The following TFB1M variants were observed in gnomAD, a reference collection of about 807,000 sequenced individuals.
TFB1M encodes dimethyladenosine transferase 1, mitochondrial.
Under a neutral mutation model 31.1 loss-of-function variants are expected in TFB1M, and 27 were observed. That is an observed-to-expected ratio of 0.87 (90% CI 0.64 to 1.20). The LOEUF is 1.20. Ranked by LOEUF, TFB1M falls within the 50% of genes most tolerant of loss-of-function variation. The probability of loss-of-function intolerance (pLI) is 0.00; values close to 1 mark genes in which losing one functional copy is unlikely to be tolerated. For missense variants in TFB1M, 394 were observed against 418.7 expected (o/e 0.94, Z 0.51); for synonymous variants, 166 against 151.8 (o/e 1.09, Z -0.69).
At chr6:155,248,801 A>G in the TFB1M span, among the ~76,000 whole-genome samples, 2 of 152,232 alleles carry the variant, frequency 1.3e-5, 1 homozygote, top group Admixed American at 1.3e-4. Context: ...TGGGTTGGAG[A>G]TAGTGATTTG....
the TFB1M span, among the ~76,000 whole-genome samples, chr6:155,248,650 A>G: frequency 6.6e-6 from 1 of 152,310 alleles, no homozygotes; most frequent in African/African-American, 2.4e-5. Context: ...CAAACTCCCA[A>G]TGATGGGTTA....
the TFB1M span, among the ~76,000 whole-genome samples, chr6:155,233,874 G>C: frequency 1.1e-4 from 17 of 151,988 alleles, no homozygotes; most frequent in East Asian, 3.3e-3. Flanking sequence ...GAGGTGGGAG[G>C]GTTGCTTAAT....
Position 155,257,155 on chromosome 6 carries a change from A to G in TFB1M, c.*681T>C, listed in dbSNP as rs111906678. Reference sequence around the variant, plus strand: ...AATCCAGATATGGGTTAAATTCCTCATTTTACTTTTAAACTGGTGGTAAAG... The same window carrying G: ...AATCCAGATATGGGTTAAATTCCTCGTTTTACTTTTAAACTGGTGGTAAAG... On this transcript the variant is annotated 3_prime_UTR_variant, in exon 7 of 7. Coordinates refer to ENST00000367166, the MANE Select transcript of TFB1M (RefSeq NM_016020.4). 6.8e-7 allele frequency: 1 copy of G among 1,479,580 alleles called. No homozygotes were observed. Among genetic ancestry groups the G allele is most frequent in the African/African-American group, 1.5e-5 (1 of 67,818 alleles). 91.7% of individuals were successfully genotyped at this position (1,479,580 alleles called of 1,614,324 possible).
At chr6:155,270,746 G>A (rs182469820) in intron 5 of TFB1M, among the ~76,000 whole-genome samples, 1 of 152,284 alleles carries the variant, frequency 6.6e-6, no homozygotes, top group Admixed American at 6.5e-5. Flanking sequence ...GCTTATGTCT[G>A]CACTAACAAC....
intron 4 of TFB1M, among the ~76,000 whole-genome samples, chr6:155,296,426 ATTTTTTTTTT>A (rs71023639): frequency 5.8e-5 from 6 of 103,456 alleles, no homozygotes; most frequent in East Asian, 3.1e-4. Context: ...CACCCAGCTA[ATTTTTTTTTT>A]TTTTTTTTTT....
chr6:155,236,054 A>G, the TFB1M span, among the ~76,000 whole-genome samples: 7 of 152,100 alleles, frequency 4.6e-5, no homozygotes, highest in Non-Finnish European at 7.4e-5. Flanking sequence ...ATATTGTCTG[A>G]GCTTGTGGTG....
the TFB1M span, chr6:155,247,979 C>A: frequency 6.2e-7 from 1 of 1,611,222 alleles, no homozygotes; most frequent in Non-Finnish European, 8.5e-7. Context: ...CTTCTGAGGT[C>A]TTTTATCCAT....
intron 4 of TFB1M, among the ~76,000 whole-genome samples, chr6:155,290,388 C>CAAAAAAAAAAAA (rs1189869721): frequency 1.0e-4 from 11 of 107,558 alleles, no homozygotes; most frequent in South Asian, 3.0e-4. Context: ...GACTCGGCCT[C>CAAAAAAAAAAAA]AAAAAAAAAA....
In TFB1M at chr6:155,256,515, T is replaced by C; in HGVS notation, c.*1321A>G. On this transcript the variant is annotated 3_prime_UTR_variant, in exon 7 of 7. Transcript: ENST00000367166. ...CCAGGTCTTTAAAAGTCCTGAAGAA[T>C]TCCTCCAGCAACGAGTGGACCGGTG... 6.2e-7 allele frequency: 1 copy of C among 1,614,230 alleles called. No homozygotes were observed. The highest frequency in any genetic ancestry group is 1.3e-5 in the African/African-American group (1 of 75,070).
chr6:155,308,274 A>T (rs1031302366), intron 2 of TFB1M, among the ~76,000 whole-genome samples: 1 of 152,172 alleles, frequency 6.6e-6, no homozygotes, highest in Non-Finnish European at 1.5e-5. Context: ...AAAACACCCC[A>T]ATGTTTCCAT....
chr6:155,304,720 T>C (rs1777591350), intron 2 of TFB1M, among the ~76,000 whole-genome samples: 1 of 151,982 alleles, frequency 6.6e-6, no homozygotes, highest in African/African-American at 2.4e-5. Context: ...TCAGAAACAA[T>C]GCAAGTGAGA....
intron 5 of TFB1M, among the ~76,000 whole-genome samples, chr6:155,281,371 G>A (rs945349183): frequency 5.3e-5 from 8 of 152,142 alleles, no homozygotes; most frequent in South Asian, 2.1e-4. Context: ...AAAAGAACCC[G>A]TTACAACTCT....
At chr6:155,275,910 G>C in intron 5 of TFB1M, 1 of 1,614,136 alleles carries the variant, frequency 6.2e-7, no homozygotes, top group Non-Finnish European at 8.5e-7. Context: ...ATGTTCAGCT[G>C]TGCCCTGAAA....
downstream of TFB1M, chr6:155,251,148 T>A (rs1583289339): frequency 1.3e-6 from 1 of 763,162 alleles, no homozygotes; most frequent in East Asian, 2.5e-5. Flanking sequence ...GGTTGGGGAC[T>A]TAACAGGGCC....
intron 3 of TFB1M, 98 bp from the exon 4 acceptor site, chr6:155,297,202 C>A: frequency 1.6e-6 from 2 of 1,286,742 alleles, no homozygotes. Context: ...TTAATAGCAT[C>A]AAAGAAAAAT....
chr6:155,237,255 C>T, the TFB1M span, among the ~76,000 whole-genome samples: 1 of 152,228 alleles, frequency 6.6e-6, no homozygotes, highest in Admixed American at 6.5e-5. Context: ...CCTTTGACTC[C>T]ATGTCTCACA....
intron 4 of TFB1M, among the ~76,000 whole-genome samples, chr6:155,296,290 T>C (rs1217536791): frequency 6.6e-6 from 1 of 151,898 alleles, no homozygotes; most frequent in Non-Finnish European, 1.5e-5. Flanking sequence ...GACAGAGTCT[T>C]GCTCTGTTAC....
intron 5 of TFB1M, chr6:155,276,131 T>C: frequency 6.2e-7 from 1 of 1,614,156 alleles, no homozygotes; most frequent in African/African-American, 1.3e-5. Flanking sequence ...CTCGACAGTG[T>C]GGTACACAAA....
intron 5 of TFB1M, among the ~76,000 whole-genome samples, chr6:155,267,921 TCTA>T (rs1454334990): frequency 6.6e-6 from 1 of 152,230 alleles, no homozygotes; most frequent in Non-Finnish European, 1.5e-5. Flanking sequence ...TATAGTTTAG[TCTA>T]CTGTTAGATT....
Sources: gnomAD v4.1 joint callset for allele counts (sites outside exome capture counted in the v4.1 genomes callset) on GRCh38, gnomAD v4.1.1 for gene constraint, MANE v1.5 for transcripts, NCBI Gene and HGNC (gene_info 2026-07-23, HGNC 2026-07-21) for gene names.